AGL: variants seen among roughly 807,000 people sequenced by gnomAD.
AGL encodes glycogen debranching enzyme.
AGL carries 128 observed loss-of-function variants against 199.3 expected under a neutral mutation model. That is an observed-to-expected ratio of 0.64 (90% CI 0.56 to 0.74). AGL has a LOEUF of 0.74. Ranked by LOEUF, AGL falls within the 30% of genes least tolerant of loss-of-function variation. The probability of loss-of-function intolerance (pLI) is 0.00; values close to 1 mark genes in which losing one functional copy is unlikely to be tolerated. For missense variants in AGL, 1,809 were observed against 1,820.8 expected (o/e 0.99, Z 0.12); for synonymous variants, 584 against 594.7 (o/e 0.98, Z 0.26).
chr1:99,874,657 ATTTAAGGTATCG>A lies in AGL; in HGVS notation c.959-28_959-17del. 5 of 1,595,366 alleles carry A rather than the reference ATTTAAGGTATCG, an allele frequency of 3.1e-6. No homozygotes were observed. The highest frequency in any genetic ancestry group is 4.3e-6 in the Non-Finnish European group (5 of 1,164,956). On this transcript the variant is annotated intron_variant, in intron 7 of 33. Coordinates refer to ENST00000361915, the MANE Select transcript of AGL (RefSeq NM_000642.3). Reference sequence around the variant, plus strand: ...TTATAATCTCTTTGTAGATATTTGCATTTAAGGTATCGTCTTTTCTTTCTTTTAGAAAATAGG... The same window carrying A: ...TTATAATCTCTTTGTAGATATTTGCATCTTTTCTTTCTTTTAGAAAATAGG...
intron 2 of AGL, among the ~76,000 whole-genome samples, chr1:99,853,577 C>T (rs1484282053): frequency 1.3e-5 from 2 of 152,148 alleles, no homozygotes; most frequent in African/African-American, 4.8e-5. Flanking sequence ...CTTACAGTGT[C>T]AGACTAGGGT....
chr1:99,877,875 C>T (rs1651686774), intron 12 of AGL, 47 bp downstream of exon 12: 1 of 1,576,718 alleles, frequency 6.3e-7, no homozygotes, highest in African/African-American at 1.3e-5. Flanking sequence ...ATTCAGTGTT[C>T]CTTCCTAGCT....
chr1:99,857,416 C>A (rs879619059), intron 2 of AGL, among the ~76,000 whole-genome samples: 4 of 152,074 alleles, frequency 2.6e-5, no homozygotes, highest in Non-Finnish European at 4.4e-5. Flanking sequence ...GGGTGGCGGC[C>A]GGGCAGAGGC....
intron 7 of AGL, among the ~76,000 whole-genome samples, chr1:99,873,036 CA>C (rs201753523): frequency 0.015 from 2,300 of 152,024 alleles, 33 homozygotes; most frequent in Middle Eastern, 0.089. Flanking sequence ...TTTATGGTGA[CA>C]TTTTTTTTCA....
chr1:99,875,400 G>A lies in AGL; in HGVS notation c.1228G>A (p.Ala410Thr), dbSNP rs1651437869. ...LLGNVFYERL[A>T]GHGPKLGPVT... ...GGGAAATGTGTTTTATGAACGACTG[G>A]CTGGCCATGGTCCAAAACTAGGACC... Residue 410 changes from alanine to threonine, a missense_variant, in exon 10 of 34, where the codon GCT becomes ACT. Ala to Thr is a moderately conservative substitution (Grantham distance 58). Coordinates refer to ENST00000361915, the MANE Select transcript of AGL (RefSeq NM_000642.3). 1 of 1,613,988 alleles carries A rather than the reference G, an allele frequency of 6.2e-7. No individual in the cohort carries two copies. The highest frequency in any genetic ancestry group is 1.3e-5 in the African/African-American group (1 of 74,928).
At chr1:99,893,087 C>T (rs1489102692) in intron 24 of AGL, among the ~76,000 whole-genome samples, 3 of 152,052 alleles carry the variant, frequency 2.0e-5, no homozygotes, top group Non-Finnish European at 4.4e-5. Flanking sequence ...AGATTTAAAA[C>T]CTGAATCAAG....
At chr1:99,914,919 T>A (rs1316354324) in intron 30 of AGL, among the ~76,000 whole-genome samples, 1 of 151,858 alleles carries the variant, frequency 6.6e-6, no homozygotes, top group Non-Finnish European at 1.5e-5. Context: ...TCCACAAAAA[T>A]TTAAAAAAAA....
intron 12 of AGL, among the ~76,000 whole-genome samples, chr1:99,878,358 T>TA (rs1651728411): frequency 6.6e-6 from 1 of 151,792 alleles, no homozygotes; most frequent in African/African-American, 2.4e-5. Context: ...ATAAATTAAT[T>TA]AATTAAATTA....
chr1:99,858,223 A>G (rs959259510), intron 2 of AGL, among the ~76,000 whole-genome samples: 3 of 152,252 alleles, frequency 2.0e-5, no homozygotes, highest in Non-Finnish European at 4.4e-5. Flanking sequence ...AAGATGAGTT[A>G]GAAAGTGTTT....
intron 29 of AGL, 45 bp downstream of exon 29, chr1:99,912,562 G>C: frequency 7.4e-7 from 1 of 1,347,458 alleles, no homozygotes; most frequent in Non-Finnish European, 1.1e-6. Flanking sequence ...AATGTACTAT[G>C]TATATTCTCA....
At chr1:99,867,182 T>A (rs1444521481) in intron 5 of AGL, among the ~76,000 whole-genome samples, 1 of 152,234 alleles carries the variant, frequency 6.6e-6, no homozygotes, top group South Asian at 2.1e-4. Context: ...TGTGAAGGCT[T>A]CACACACTCT....
intron 5 of AGL, among the ~76,000 whole-genome samples, chr1:99,867,200 G>T (rs973065226): frequency 1.5e-4 from 23 of 152,232 alleles, no homozygotes; most frequent in Non-Finnish European, 1.5e-5. Flanking sequence ...TCTTTACGTA[G>T]TGAAACAACC....
chr1:99,865,709 AGTT>A (rs2101097619), intron 5 of AGL, among the ~76,000 whole-genome samples: 1 of 152,184 alleles, frequency 6.6e-6, no homozygotes, highest in Admixed American at 6.5e-5. Flanking sequence ...CAAGAATTCT[AGTT>A]GGTACAAACA....
At chr1:99,899,530 T>TCTC (rs550883261) in intron 25 of AGL, among the ~76,000 whole-genome samples, 16 of 146,958 alleles carry the variant, frequency 1.1e-4, no homozygotes, top group East Asian at 8.2e-4. Flanking sequence ...CTCTCTCTCT[T>TCTC]TCTCTCTCTC....
chr1:99,915,014 A>C (rs1212128870), intron 30 of AGL, among the ~76,000 whole-genome samples: 1 of 152,146 alleles, frequency 6.6e-6, no homozygotes, highest in African/African-American at 2.4e-5. Context: ...CAGGAGATTG[A>C]GGCTGCACTG....
chr1:99,866,800 T>TTTCTTTC (rs1553184029), intron 5 of AGL, among the ~76,000 whole-genome samples: 9 of 151,018 alleles, frequency 6.0e-5, no homozygotes, highest in Admixed American at 5.9e-4. Flanking sequence ...ACAAGTTTTC[T>TTTCTTTC]TTTATTTATT....
chr1:99,899,621 CTTTT>C (rs1653648870), intron 25 of AGL, among the ~76,000 whole-genome samples: 1 of 119,870 alleles, frequency 8.3e-6, no homozygotes, highest in East Asian at 2.8e-4. Context: ...TTCTTTCTTT[CTTTT>C]CTTTCTTTTT....
intron 25 of AGL, among the ~76,000 whole-genome samples, chr1:99,898,724 C>G (rs1260498255): frequency 6.6e-6 from 1 of 152,070 alleles, no homozygotes; most frequent in African/African-American, 2.4e-5. Context: ...CTCCAGGAGG[C>G]AAGCAGAGAG....
intron 27 of AGL, among the ~76,000 whole-genome samples, chr1:99,907,314 A>G (rs570560150): frequency 6.6e-6 from 1 of 152,328 alleles, no homozygotes; most frequent in African/African-American, 2.4e-5. Context: ...ATAATATTCC[A>G]TTGTATGTAT....
Sources: gnomAD v4.1 joint callset for allele counts (sites outside exome capture counted in the v4.1 genomes callset) on GRCh38, gnomAD v4.1.1 for gene constraint, MANE v1.5 for transcripts, NCBI Gene and HGNC (gene_info 2026-07-23, HGNC 2026-07-21) for gene names.